The following TTC13 variants were observed in gnomAD, a reference collection of about 807,000 sequenced individuals.
The protein encoded by TTC13 is tetratricopeptide repeat protein 13.
Under a neutral mutation model 120.0 loss-of-function variants are expected in TTC13, and 62 were observed. That is an observed-to-expected ratio of 0.52 (90% CI 0.42 to 0.64). The LOEUF is 0.64. TTC13 is among the 30% of genes least tolerant of loss of function. The pLI, the probability that TTC13 is intolerant of heterozygous loss-of-function variation, is 0.00. For missense variants in TTC13, 824 were observed against 1,050.2 expected (o/e 0.78, Z 2.98); for synonymous variants, 384 against 393.5 (o/e 0.98, Z 0.28).
In TTC13 at chr1:230,940,353, A is replaced by C; in HGVS notation, c.789+87T>G. Reference sequence around the variant, plus strand: ...ACATATTACTAAACAGTCAAAGCCCAAATCTATCAAAGAGTCACTTTCTGA... The same window carrying C: ...ACATATTACTAAACAGTCAAAGCCCCAATCTATCAAAGAGTCACTTTCTGA... On this transcript the variant is annotated intron_variant, in intron 7 of 22. Transcript: ENST00000366661. The surrounding 1 kb of genome is among the most constrained non-coding windows in gnomAD (Gnocchi z 4.1). 2.3e-6 allele frequency: 2 copies of C among 856,258 alleles called. No homozygotes were observed. The highest frequency in any genetic ancestry group is 3.8e-6 in the Non-Finnish European group (2 of 528,838). The allele number at this position is 856,258 out of a possible 1,614,324, so 53.0% of individuals were successfully genotyped here.
At chr1:230,928,600 C>T (rs2102823216) in intron 12 of TTC13, among the ~76,000 whole-genome samples, 1 of 152,262 alleles carries the variant, frequency 6.6e-6, no homozygotes, top group South Asian at 2.1e-4. Context: ...CTGTCTAGGA[C>T]TTGTAGTTCA....
intron 20 of TTC13, 78 bp from the exon 21 acceptor site, chr1:230,909,098 C>T: frequency 8.6e-7 from 1 of 1,167,702 alleles, no homozygotes; most frequent in Non-Finnish European, 1.2e-6. Context: ...ATGGACTTCC[C>T]ATCATGAAAG....
chr1:230,971,878 T>G (rs1369972536), intron 1 of TTC13, among the ~76,000 whole-genome samples: 1 of 152,216 alleles, frequency 6.6e-6, no homozygotes, highest in Non-Finnish European at 1.5e-5. Context: ...AGATTGAAGA[T>G]GCATCAGATG....
chr1:230,956,049 C>T (rs528573901), intron 3 of TTC13, among the ~76,000 whole-genome samples: 2 of 152,296 alleles, frequency 1.3e-5, no homozygotes, highest in African/African-American at 2.4e-5. Context: ...CAGTAATATC[C>T]TTTACCAGTA....
At chr1:230,961,085 T>G in intron 2 of TTC13, 124 bp downstream of exon 2, 1 of 648,784 alleles carries the variant, frequency 1.5e-6, no homozygotes, top group Non-Finnish European at 2.7e-6. Context: ...CGACCTATCT[T>G]TATCCTATGC....
rs1339849492 is a variant in TTC13 at position 230,909,024 on chromosome 1, T to C, written c.2310-4A>G. 6.2e-7 allele frequency: 1 copy of C among 1,613,610 alleles called. No individual in the cohort carries two copies. Among genetic ancestry groups the C allele is most frequent in the Non-Finnish European group, 8.5e-7 (1 of 1,179,670 alleles). ...GATGACCGAGTAAGCAATTACACTA[T>C]TTAAATAAAGAACAAAGGTCAATCC... is the stretch of plus-strand genomic sequence containing the variant. On this transcript the variant is annotated splice_polypyrimidine_tract_variant and splice_region_variant and intron_variant, in intron 20 of 22. Coordinates refer to ENST00000366661, the MANE Select transcript of TTC13 (RefSeq NM_024525.5).
At position 230,939,513 on chromosome 1, in the gene TTC13, G is replaced by C. The variant is rs367765430; in HGVS notation, c.790-17C>G. The C allele has an allele frequency of 6.6e-7, 1 of 1,523,868 alleles. No homozygotes were observed. Among genetic ancestry groups the C allele is most frequent in the African/African-American group, 1.4e-5 (1 of 72,880 alleles). The allele number at this position is 1,523,868 out of a possible 1,614,324, so 94.4% of individuals were successfully genotyped here. ...TGCATAGTCCTACAAAAAGGAGAGTGGGGGGAAAAATAAAATAGTATTCAT... is the reference window on the plus strand; with the variant it reads ...TGCATAGTCCTACAAAAAGGAGAGTCGGGGGAAAAATAAAATAGTATTCAT... On this transcript the variant is annotated splice_polypyrimidine_tract_variant and intron_variant, in intron 7 of 22. Coordinates refer to ENST00000366661, the MANE Select transcript of TTC13 (RefSeq NM_024525.5).
At chr1:230,967,142 C>T (rs1677205975) in intron 1 of TTC13, among the ~76,000 whole-genome samples, 1 of 151,522 alleles carries the variant, frequency 6.6e-6, no homozygotes, top group East Asian at 1.9e-4. Context: ...TTATCAAGGT[C>T]TTTTAAAATA....
intron 3 of TTC13, 32 bp from the exon 4 acceptor site, chr1:230,954,435 A>C (rs1227133024): frequency 6.5e-7 from 1 of 1,531,728 alleles, no homozygotes; most frequent in Non-Finnish European, 9.0e-7. Context: ...TATTAAAGGA[A>C]AGAATAAAGT....
intron 20 of TTC13, among the ~76,000 whole-genome samples, chr1:230,909,688 G>C (rs1030986347): frequency 6.6e-6 from 1 of 152,214 alleles, no homozygotes. Flanking sequence ...GGCCTTCAAA[G>C]AAGAAATGCA....
chr1:230,926,271 G>C (rs1673042016), intron 12 of TTC13, among the ~76,000 whole-genome samples: 1 of 152,024 alleles, frequency 6.6e-6, no homozygotes, highest in South Asian at 2.1e-4. Context: ...GCAGAGGGAA[G>C]AGGCACATTG....
intron 6 of TTC13, among the ~76,000 whole-genome samples, chr1:230,943,124 T>C (rs988670026): frequency 1.3e-5 from 2 of 152,218 alleles, no homozygotes; most frequent in Admixed American, 1.3e-4. Flanking sequence ...TATCAAGTCT[T>C]GCTAAAGTAT....
intron 21 of TTC13, 47 bp downstream of exon 21, chr1:230,908,895 G>A (rs1324931770): frequency 6.2e-7 from 1 of 1,609,690 alleles, no homozygotes; most frequent in Non-Finnish European, 8.5e-7. Context: ...CCATAAATTG[G>A]GACTTAATAC....
chr1:230,956,781 C>A (rs1243377798), intron 3 of TTC13, among the ~76,000 whole-genome samples: 7 of 152,138 alleles, frequency 4.6e-5, no homozygotes, highest in Non-Finnish European at 1.0e-4. Context: ...TAACCCAAAT[C>A]TTGTGCAAAT....
At chr1:230,949,983 C>T (rs1197008735) in intron 4 of TTC13, among the ~76,000 whole-genome samples, 2 of 152,150 alleles carry the variant, frequency 1.3e-5, no homozygotes, top group African/African-American at 4.8e-5. Context: ...TTTTTCCTAA[C>T]AGTCAAGAAG....
chr1:230,968,225 AC>A lies in TTC13; in HGVS notation c.272-6923del, dbSNP rs1370405484. Among the ~76,000 whole-genome samples, 11 of 148,508 alleles carry A rather than the reference AC, an allele frequency of 7.4e-5. No individual in the cohort carries two copies. In the South Asian group the frequency reaches 1.1e-3, roughly 15 times the overall value. ...TTGTTTTATTGTGGTTAAAAAAAAAACACACATCACATAAAAGCAATCGCCT... is the reference window on the plus strand; with the variant it reads ...TTGTTTTATTGTGGTTAAAAAAAAAAACACATCACATAAAAGCAATCGCCT... On this transcript the variant is annotated intron_variant, in intron 1 of 22. Coordinates refer to ENST00000366661, the MANE Select transcript of TTC13 (RefSeq NM_024525.5).
At position 230,906,982 on chromosome 1, in the gene TTC13, C is replaced by T. The variant is rs776224795; in HGVS notation, c.2506G>A (p.Glu836Lys). ...PSYKTLPSVS[E>K]TFPTLRSMIE... ...ATCGATCTTAACGTTGGAAACGTTT[C>T]TGATACTGATGGAAGAGTCTTATAA... The change falls in exon 23 of 23, where the codon GAA becomes AAA. Residue 836 changes from glutamate (E) to lysine (K), a missense_variant. This residue lies in a region of TTC13 where 226 missense variants were observed against 259.1 expected (regional missense o/e 0.87). Coordinates refer to ENST00000366661, the MANE Select transcript of TTC13 (RefSeq NM_024525.5). The T allele has an allele frequency of 1.3e-6, 2 of 1,540,486 alleles. No homozygotes were observed.
chr1:230,941,337 C>A (rs1291516940), intron 6 of TTC13, among the ~76,000 whole-genome samples: 1 of 152,108 alleles, frequency 6.6e-6, no homozygotes, highest in Non-Finnish European at 1.5e-5. Context: ...ACTCTGTCAC[C>A]CAAGCTGGAA....
chr1:230,952,628 T>C (rs1010911919), intron 4 of TTC13, among the ~76,000 whole-genome samples: 7 of 152,208 alleles, frequency 4.6e-5, no homozygotes, highest in African/African-American at 1.4e-4. Context: ...AAAATGCTAA[T>C]ATACTTTCTG....
Sources: gnomAD v4.1 joint callset for allele counts (sites outside exome capture counted in the v4.1 genomes callset) on GRCh38, gnomAD v4.1.1 for gene constraint, gnomAD v4.1.1 regional missense constraint, Gnocchi (gnomAD v3.1) non-coding constraint, MANE v1.5 for transcripts, NCBI Gene and HGNC (gene_info 2026-07-23, HGNC 2026-07-21) for gene names.